ACSM3: variants seen among roughly 807,000 people sequenced by gnomAD.
ACSM3 encodes acyl-coenzyme A synthetase ACSM3, mitochondrial.
A neutral mutation model predicts 74.1 loss-of-function variants in ACSM3; 61 were observed. The observed-to-expected ratio is 0.82, with a 90% CI of 0.67 to 1.02. The LOEUF is 1.02. ACSM3 is among the 50% of genes least tolerant of loss of function. ACSM3 has a pLI of 0.00. For synonymous variants in ACSM3, 213 were observed against 241.5 expected (o/e 0.88, Z 1.09); for missense variants, 660 against 697.0 (o/e 0.95, Z 0.60).
chr16:20,690,150 G>T lies in ACSM3; in HGVS notation c.-190+15328G>T, dbSNP rs113890991. On this transcript the variant is annotated intron_variant, in intron 1 of 3. Transcript: ENST00000561584. ...ATGCCATAAAGGCATGTAGGCTTTGGATAGTAATACATGAATACATATTCA... is the reference window on the plus strand; with the variant it reads ...ATGCCATAAAGGCATGTAGGCTTTGTATAGTAATACATGAATACATATTCA... 5.6e-3 allele frequency among the ~76,000 whole-genome samples: 847 copies of T among 152,290 alleles called. 8 individuals carry two copies. The highest frequency in any genetic ancestry group is 0.019 in the African/African-American group (804 of 41,562).
At position 20,777,360 on chromosome 16, in the gene ACSM3, T is replaced by C. The variant is rs1178301455; in HGVS notation, c.431-13T>C. 7.5e-6 allele frequency: 12 copies of C among 1,607,462 alleles called. No individual in the cohort carries two copies. The highest frequency in any genetic ancestry group is 1.0e-5 in the Non-Finnish European group (12 of 1,175,038). On this transcript the variant is annotated splice_polypyrimidine_tract_variant and intron_variant, in intron 3 of 13. Transcript: ENST00000289416. ...CATTTCTTCTAAACACTGTTTCTTT[T>C]CTGCCCCTTTAGGGACAGTTTTAAT...
chr16:20,689,866 T>C (rs184406772), intron 1 of ACSM3, among the ~76,000 whole-genome samples: 1 of 152,312 alleles, frequency 6.6e-6, no homozygotes, highest in African/African-American at 2.4e-5. Context: ...AATAATGGAT[T>C]GTGAAATCAG....
intron 1 of ACSM3, among the ~76,000 whole-genome samples, chr16:20,730,637 C>T (rs2079824327): frequency 1.3e-5 from 2 of 152,126 alleles, no homozygotes; most frequent in South Asian, 2.1e-4. Context: ...GAAATAGTTT[C>T]CTCCTGCTGC....
At chr16:20,768,189 G>GAA (rs1436866010) in intron 1 of ACSM3, among the ~76,000 whole-genome samples, 3 of 152,176 alleles carry the variant, frequency 2.0e-5, no homozygotes, top group Non-Finnish European at 4.4e-5. Flanking sequence ...ATCTCTGATG[G>GAA]AGGTTCTATT....
At position 20,792,108 on chromosome 16, in the gene ACSM3, A is replaced by G. The variant is rs1323458764; in HGVS notation, c.1433A>G (p.Asp478Gly). Residue 478 changes from aspartate (D) to glycine (G), a missense_variant, in exon 11 of 14, where the codon GAT (aspartate) becomes GGT (glycine). Coordinates refer to ENST00000289416, the MANE Select transcript of ACSM3 (RefSeq NM_005622.4). ...DGYFWFVARA[D>G]DVILSSGYRI... ...TATTTCTGGTTTGTTGCAAGAGCAG[A>G]TGATGTCATATTATCCTCTGGGTAA... 3.1e-6 allele frequency: 5 copies of G among 1,614,036 alleles called. No individual in the cohort carries two copies. Among genetic ancestry groups the G allele is most frequent in the Admixed American group, 3.3e-5 (2 of 60,008 alleles).
chr16:20,689,226 A>G (rs1254928034), intron 1 of ACSM3, among the ~76,000 whole-genome samples: 2 of 152,002 alleles, frequency 1.3e-5, no homozygotes, highest in African/African-American at 2.4e-5. Context: ...AGTTGTTATC[A>G]GTATTAAATA....
intron 2 of ACSM3, among the ~76,000 whole-genome samples, chr16:20,753,648 G>A (rs2152435607): frequency 6.6e-6 from 1 of 151,978 alleles, no homozygotes; most frequent in South Asian, 2.1e-4. Context: ...CAAGAGAAGA[G>A]GTACAGATAT....
At position 20,770,087 on chromosome 16, in the gene ACSM3, G is replaced by A. The variant is rs757624294; in HGVS notation, c.53G>A (p.Arg18His). 1.1e-5 allele frequency: 18 copies of A among 1,613,972 alleles called. No individual in the cohort carries two copies. The highest frequency in any genetic ancestry group is 4.5e-5 in the East Asian group (2 of 44,892). Reference protein sequence around the residue: ...KMLRHAKCFQRLAIFGSVRAL... With the variant: ...KMLRHAKCFQHLAIFGSVRAL... ...CTACGTCATGCCAAGTGTTTTCAGC[G>A]CCTAGCAATTTTTGGTTCTGTGAGG... Residue 18 changes from arginine to histidine, a missense_variant, in exon 2 of 14, where the codon CGC (arginine) becomes CAC (histidine). Transcript: ENST00000289416.
chr16:20,779,093 T>C (rs9926146), intron 4 of ACSM3, among the ~76,000 whole-genome samples: 1,540 of 152,236 alleles, frequency 0.01, 23 homozygotes, highest in African/African-American at 0.035. Context: ...TATGAAATCA[T>C]AGACTGAACA....
At chr16:20,763,408 C>G (rs570831661), upstream of ACSM3, among the ~76,000 whole-genome samples, 1 of 152,214 alleles carries the variant, frequency 6.6e-6, no homozygotes, top group East Asian at 1.9e-4. Context: ...TTCAGAAAGC[C>G]TGAGGCTGAA....
At chr16:20,750,826 T>C (rs1251782649) in intron 2 of ACSM3, among the ~76,000 whole-genome samples, 2 of 150,894 alleles carry the variant, frequency 1.3e-5, no homozygotes, top group Admixed American at 6.7e-5. Flanking sequence ...GTAGAGAGAA[T>C]ATAAGTTTTG....
Position 20,770,057 on chromosome 16 carries a change from A to G in ACSM3, c.23A>G (p.Lys8Arg). The G allele has an allele frequency of 6.2e-7, 1 of 1,614,188 alleles. No homozygotes were observed. The highest frequency in any genetic ancestry group is 8.5e-7 in the Non-Finnish European group (1 of 1,180,002). MLARVTR[K>R]MLRHAKCFQR... ...CTGATGCTAGCTCGTGTCACCAGGA[A>G]GATGCTACGTCATGCCAAGTGTTTT... Residue 8 changes from lysine (K) to arginine (R), a missense_variant, in exon 2 of 14, where the codon AAG (lysine) becomes AGG (arginine). By Grantham distance (26) the Lys-to-Arg change is conservative. Transcript: ENST00000289416.
intron 1 of ACSM3, among the ~76,000 whole-genome samples, chr16:20,699,224 G>A (rs2079705938): frequency 6.6e-6 from 1 of 152,170 alleles, no homozygotes. Context: ...TTAGATGGAG[G>A]GTTGATAGTG....
At position 20,741,413 on chromosome 16, in the gene ACSM3, G is replaced by A. The variant is rs1016542138; in HGVS notation, c.-189-8497G>A. The A allele has an allele frequency of 7.8e-6, 11 of 1,410,084 alleles. No homozygotes were observed. In the Admixed American group the frequency reaches 2.0e-4, roughly 26 times the overall value. 87.3% of individuals were successfully genotyped at this position (1,410,084 alleles called of 1,614,324 possible). On this transcript the variant is annotated intron_variant, in intron 1 of 3. Coordinates refer to the ACSM3 transcript ENST00000561584. Reference sequence around the variant, plus strand: ...CCTACAGCCGTCACGCCGACGACCCGAGGCGCGCATGCCCATACCAGCAGC... The same window carrying A: ...CCTACAGCCGTCACGCCGACGACCCAAGGCGCGCATGCCCATACCAGCAGC...
chr16:20,686,422 A>G (rs1305614149), intron 1 of ACSM3, among the ~76,000 whole-genome samples: 1 of 152,068 alleles, frequency 6.6e-6, no homozygotes, highest in Non-Finnish European at 1.5e-5. Context: ...GCCATACTCA[A>G]TTCCCACTTA....
chr16:20,789,431 G>T (rs1171565848), intron 9 of ACSM3: 5 of 1,334,494 alleles, frequency 3.7e-6, no homozygotes, highest in Non-Finnish European at 5.4e-6. Flanking sequence ...TTCAGGGAAT[G>T]ATGAGGATTG....
intron 1 of ACSM3, chr16:20,738,684 G>A: frequency 3.6e-6 from 2 of 561,320 alleles, no homozygotes; most frequent in Non-Finnish European, 6.3e-6. Context: ...TACGAAGGAA[G>A]CAGCAAAGCC....
intron 1 of ACSM3, among the ~76,000 whole-genome samples, chr16:20,704,200 A>G (rs769987280): frequency 6.6e-6 from 1 of 152,176 alleles, no homozygotes; most frequent in African/African-American, 2.4e-5. Context: ...TATGGACTCA[A>G]ATTTATTGAA....
rs2080724566 is a variant in ACSM3, at chr16:20,796,385, G to A, written c.1570G>A (p.Val524Ile). 1 of 1,610,960 alleles carries A rather than the reference G, an allele frequency of 6.2e-7. No individual in the cohort carries two copies. The highest frequency in any genetic ancestry group is 2.2e-5 in the East Asian group (1 of 44,856). Reference sequence around the variant, plus strand: ...TTTATTTTAGGTAGTAAAGGCTTTTGTCGTTCTAAATCCTGATTACAAGTC... The same window carrying A: ...TTTATTTTAGGTAGTAAAGGCTTTTATCGTTCTAAATCCTGATTACAAGTC... The part of the protein sequence containing the change: ...PIRGEVVKAF[V>I]VLNPDYKSHD... Residue 524 changes from valine (V) to isoleucine (I), a missense_variant, in exon 13 of 14, where the codon GTC becomes ATC. Physicochemically the swap from Val to Ile is conservative, Grantham distance 29 (BLOSUM62 3). Coordinates refer to ENST00000289416, the MANE Select transcript of ACSM3 (RefSeq NM_005622.4).
Sources: gnomAD v4.1 joint callset for allele counts (sites outside exome capture counted in the v4.1 genomes callset) on GRCh38, gnomAD v4.1.1 for gene constraint, MANE v1.5 for transcripts, NCBI Gene and HGNC (gene_info 2026-07-23, HGNC 2026-07-21) for gene names.